The following SUMF2 variants were observed in gnomAD, a reference collection of about 807,000 sequenced individuals.
SUMF2 encodes inactive C-alpha-formylglycine-generating enzyme 2.
A neutral mutation model predicts 44.8 loss-of-function variants in SUMF2; 45 were observed. That is an observed-to-expected ratio of 1.00 (90% CI 0.79 to 1.29). SUMF2 has a LOEUF of 1.29. Among genes scored for constraint, SUMF2 ranks in the 50% most tolerant of loss-of-function variants. The pLI, the probability that SUMF2 is intolerant of heterozygous loss-of-function variation, is 0.00. For missense variants in SUMF2, 418 were observed against 389.9 expected, an observed-to-expected ratio of 1.07 and a Z score of -0.61; for synonymous variants, 148 against 150.4, an observed-to-expected ratio of 0.98 and a Z score of 0.12.
At chr7:56,073,812 A>G (rs1342789376) in intron 3 of SUMF2, 7 of 225,646 alleles carry the variant, frequency 3.1e-5, no homozygotes, top group Admixed American at 2.7e-4. Flanking sequence ...AGAATTCAAG[A>G]CCAGCCTGGG....
At chr7:56,084,262 T>C (rs563570845), downstream of SUMF2, 76 of 1,400,954 alleles carry the variant, frequency 5.4e-5, no homozygotes, top group Admixed American at 6.5e-4. Context: ...AGTGACAGTG[T>C]GGACTGGGAT....
At chr7:56,079,344 T>G (rs772632668) in intron 8 of SUMF2, 184 bp from the exon 9 acceptor site, 14 of 630,448 alleles carry the variant, frequency 2.2e-5, no homozygotes, top group African/African-American at 3.6e-5. Flanking sequence ...CTTGTCCCCT[T>G]TCTCCCAGGA....
intron 1 of SUMF2, among the ~76,000 whole-genome samples, chr7:56,066,532 C>T (rs1233345396): frequency 6.6e-6 from 1 of 152,132 alleles, no homozygotes; most frequent in Non-Finnish European, 1.5e-5. Flanking sequence ...CTGCAACCTC[C>T]GCCCCCCCAG....
At position 56,078,178 on chromosome 7, in the gene SUMF2, A is replaced by G; in HGVS notation, c.668A>G (p.Asn223Ser). Residue 223 changes from asparagine to serine, a missense_variant, in exon 7 of 9, where the codon AAC becomes AGC. Asn to Ser is a conservative substitution (Grantham distance 46, BLOSUM62 1). Coordinates refer to ENST00000434526, the MANE Select transcript of SUMF2 (RefSeq NM_015411.4). ...CCAGTGAATGCTTTCCCCGCCCAGA[A>G]CAACTACGGTAAGAGCTGTCTTGGG... ...VSPVNAFPAQ[N>S]NYGLYDLLGN... 3 of 1,611,300 alleles carry G rather than the reference A, an allele frequency of 1.9e-6. No homozygotes were observed. Among genetic ancestry groups the G allele is most frequent in the African/African-American group, 2.7e-5 (2 of 74,988 alleles).
At chr7:56,085,204 G>A (rs56389944), downstream of SUMF2, among the ~76,000 whole-genome samples, 26,441 of 151,222 alleles carry the variant, frequency 0.17, 2,612 homozygotes, top group Admixed American at 0.24. Flanking sequence ...CATCTGATCC[G>A]CCTGCCTCAG....
chr7:56,082,533 C>T (rs1232248530), downstream of SUMF2, among the ~76,000 whole-genome samples: 1 of 151,896 alleles, frequency 6.6e-6, no homozygotes, highest in Non-Finnish European at 1.5e-5. Flanking sequence ...GTGGAGTTTG[C>T]AGTGAGCTGA....
At chr7:56,072,865 T>C in intron 2 of SUMF2, 132 bp from the exon 3 acceptor site, 1 of 638,428 alleles carries the variant, frequency 1.6e-6, no homozygotes, top group South Asian at 2.0e-5. Flanking sequence ...TTCAGGTTAA[T>C]TCCTTGGCAA....
intron 2 of SUMF2, among the ~76,000 whole-genome samples, chr7:56,069,638 G>A (rs1411368174): frequency 6.6e-6 from 1 of 151,912 alleles, no homozygotes; most frequent in Non-Finnish European, 1.5e-5. Context: ...GTCTGGCTCT[G>A]TCACCCAGGC....
At chr7:56,076,236 C>A (rs1795539945) in intron 5 of SUMF2, among the ~76,000 whole-genome samples, 1 of 152,138 alleles carries the variant, frequency 6.6e-6, no homozygotes, top group African/African-American at 2.4e-5. Flanking sequence ...CCGTGTTAGC[C>A]AGGATGATCT....
At chr7:56,064,541 C>G (rs1198094583) in intron 1 of SUMF2, among the ~76,000 whole-genome samples, 163 bp downstream of exon 1, 3 of 152,088 alleles carry the variant, frequency 2.0e-5, no homozygotes, top group East Asian at 3.9e-4. Context: ...CCGCCTTATA[C>G]TTTTCAACTT....
downstream of SUMF2, chr7:56,083,640 G>A (rs1244582233): frequency 6.3e-7 from 1 of 1,577,838 alleles, no homozygotes; most frequent in Admixed American, 1.8e-5. Context: ...AAGGGCAAAG[G>A]GACCCTCACC....
downstream of SUMF2, among the ~76,000 whole-genome samples, chr7:56,082,925 G>A (rs1162615029): frequency 6.6e-6 from 1 of 152,074 alleles, no homozygotes; most frequent in Admixed American, 6.6e-5. Flanking sequence ...GACCAACATG[G>A]TGAAACCCTG....
At chr7:56,084,203 C>CACCATTTCTG, downstream of SUMF2, 5 of 1,534,916 alleles carry the variant, frequency 3.3e-6, no homozygotes, top group African/African-American at 1.4e-5. Context: ...CCAGCCCAAG[C>CACCATTTCTG]ACCATTTCTG....
Position 56,064,341 on chromosome 7 carries a change from C to T in SUMF2, c.30C>T (p.Pro10=). 6.2e-7 allele frequency: 1 copy of T among 1,602,492 alleles called. No individual in the cohort carries two copies. Among genetic ancestry groups the T allele is most frequent in the Non-Finnish European group, 8.5e-7 (1 of 1,175,112 alleles). ...CCCGGCATGGGTTACCGCTGCTGCC[C>T]CTGCTGTCGCTCCTGGTCGGCGCGT... The part of the protein sequence containing the change: MARHGLPLL[P]LLSLLVGAWL... Residue 10 remains proline (P), a synonymous_variant, in exon 1 of 9, where the codon CCC becomes CCT. Coordinates refer to ENST00000434526, the MANE Select transcript of SUMF2 (RefSeq NM_015411.4).
At chr7:56,083,457 C>G (rs762763873), downstream of SUMF2, 11 of 1,613,400 alleles carry the variant, frequency 6.8e-6, no homozygotes, top group Non-Finnish European at 5.1e-6. Context: ...GTGGGGCACA[C>G]ACTTGTTACT....
At chr7:56,083,481 G>A, downstream of SUMF2, 1 of 1,608,748 alleles carries the variant, frequency 6.2e-7, no homozygotes, top group Non-Finnish European at 8.5e-7. Flanking sequence ...CCTCTGCTCA[G>A]GGTCAGGTAA....
At chr7:56,083,098 T>TC, downstream of SUMF2, 2 of 558,760 alleles carry the variant, frequency 3.6e-6, no homozygotes. Flanking sequence ...AGAGTGAGAC[T>TC]CCATCTCAAA....
intron 1 of SUMF2, among the ~76,000 whole-genome samples, chr7:56,068,102 C>T (rs576396334): frequency 4.1e-5 from 6 of 144,952 alleles, no homozygotes; most frequent in East Asian, 4.1e-4. Flanking sequence ...GGCACACTCT[C>T]GGCTCACTGC....
intron 5 of SUMF2, among the ~76,000 whole-genome samples, chr7:56,075,902 C>T (rs1795506194): frequency 6.6e-6 from 1 of 152,006 alleles, no homozygotes; most frequent in Non-Finnish European, 1.5e-5. Flanking sequence ...AGCTCTGTCG[C>T]CCAAGGCTGG....
Sources: gnomAD v4.1 joint callset for allele counts (sites outside exome capture counted in the v4.1 genomes callset) on GRCh38, gnomAD v4.1.1 for gene constraint, MANE v1.5 for transcripts, NCBI Gene and HGNC (gene_info 2026-07-23, HGNC 2026-07-21) for gene names.